Variants in CLRN1 observed in about 807,000 individuals in gnomAD.
The protein encoded by CLRN1 is clarin-1.
Under a neutral mutation model 18.7 loss-of-function variants are expected in CLRN1, and 15 were observed. The ratio of observed to expected loss-of-function variants is 0.80; its 90% confidence interval spans 0.54 to 1.23. CLRN1 has a LOEUF of 1.23. CLRN1 is among the 50% of genes most tolerant of loss of function. The probability of loss-of-function intolerance (pLI) is 0.00; values close to 1 mark genes in which losing one functional copy is unlikely to be tolerated. For missense variants in CLRN1, 311 were observed against 277.5 expected, an observed-to-expected ratio of 1.12 and a Z score of -0.86; for synonymous variants, 104 against 102.9, an observed-to-expected ratio of 1.01 and a Z score of -0.07.
chr3:150,944,535 A>T (rs973620972), intron 1 of CLRN1, among the ~76,000 whole-genome samples: 1 of 145,448 alleles, frequency 6.9e-6, no homozygotes, highest in African/African-American at 2.5e-5. Flanking sequence ...TACATTTTGG[A>T]GATGGAAGAT....
chr3:150,967,279 A>G (rs1206653839), intron 1 of CLRN1, among the ~76,000 whole-genome samples: 3 of 152,336 alleles, frequency 2.0e-5, no homozygotes, highest in East Asian at 3.9e-4. Context: ...TAGAGCAAAC[A>G]TCAAGGTCTG....
intron 2 of CLRN1, among the ~76,000 whole-genome samples, chr3:150,934,699 AG>A (rs1018951595): frequency 1.3e-5 from 2 of 152,160 alleles, no homozygotes; most frequent in African/African-American, 4.8e-5. Flanking sequence ...AATATATAAA[AG>A]GCCCCCACTC....
chr3:150,946,704 CTT>C (rs34471891), intron 1 of CLRN1, among the ~76,000 whole-genome samples: 98 of 110,728 alleles, frequency 8.9e-4, no homozygotes, highest in East Asian at 5.7e-3. Context: ...CAGACCATTT[CTT>C]TTTTTTTTTT....
Position 150,972,231 on chromosome 3 carries a change from T to C in CLRN1, c.253+225A>G, listed in dbSNP as rs12497559. ...TTAATTGCCAATATTTCCAAAAACC[T>C]TAATTATGTAACAATGAATTAACTC... On this transcript the variant is annotated intron_variant, in intron 1 of 2. Coordinates refer to ENST00000327047, the MANE Select transcript of CLRN1 (RefSeq NM_174878.3). Among the ~76,000 whole-genome samples the C allele has an allele frequency of 0.11, 15,979 of 152,180 alleles. 1,119 individuals carry two copies. The highest frequency in any genetic ancestry group is 0.24 in the East Asian group (1,263 of 5,180).
chr3:150,933,832 C>T (rs941550029), intron 2 of CLRN1, among the ~76,000 whole-genome samples: 10 of 152,204 alleles, frequency 6.6e-5, no homozygotes, highest in African/African-American at 1.9e-4. Context: ...CACAACACTG[C>T]CCCTTTAGCC....
At position 150,962,732 on chromosome 3, in the gene CLRN1, T is replaced by A. The variant is rs185425990; in HGVS notation, c.253+9724A>T. Among the ~76,000 whole-genome samples, 31 of 152,358 alleles carry A rather than the reference T, an allele frequency of 2.0e-4. No homozygotes were observed. The East Asian group carries it at 5.8e-3, about 28-fold the overall frequency. On this transcript the variant is annotated intron_variant, in intron 1 of 2. Coordinates refer to ENST00000327047, the MANE Select transcript of CLRN1 (RefSeq NM_174878.3). ...TGATCTTAAATTAGCTAACCACACA[T>A]GTGATCAGATATCTCTGCCTTACAC...
At chr3:150,960,625 T>C (rs1295780927) in intron 1 of CLRN1, among the ~76,000 whole-genome samples, 2 of 152,226 alleles carry the variant, frequency 1.3e-5, no homozygotes, top group South Asian at 2.1e-4. Context: ...CTTACTTCTA[T>C]TTCCCTTGTG....
intron 2 of CLRN1, among the ~76,000 whole-genome samples, chr3:150,933,990 A>G (rs906717455): frequency 2.6e-5 from 4 of 152,158 alleles, no homozygotes; most frequent in African/African-American, 9.7e-5. Flanking sequence ...TCCTGCCACA[A>G]ATCCTTTATT....
intron 1 of CLRN1, among the ~76,000 whole-genome samples, chr3:150,963,764 A>G (rs541043019): frequency 5.9e-5 from 9 of 152,202 alleles, no homozygotes; most frequent in Non-Finnish European, 1.3e-4. Flanking sequence ...AATGCCACAC[A>G]TCTACAACCA....
intron 1 of CLRN1, among the ~76,000 whole-genome samples, chr3:150,965,763 T>C (rs886317975): frequency 1.3e-5 from 2 of 152,080 alleles, no homozygotes; most frequent in African/African-American, 2.4e-5. Flanking sequence ...TATTAGGGTG[T>C]GGGATGATTT....
chr3:150,933,138 A>C (rs1713250471), intron 2 of CLRN1, among the ~76,000 whole-genome samples: 1 of 152,206 alleles, frequency 6.6e-6, no homozygotes, highest in South Asian at 2.1e-4. Flanking sequence ...GAAAATATGC[A>C]GCTACTTCTG....
At chr3:150,947,815 T>C (rs1335587389) in intron 1 of CLRN1, among the ~76,000 whole-genome samples, 1 of 152,062 alleles carries the variant, frequency 6.6e-6, no homozygotes, top group Non-Finnish European at 1.5e-5. Flanking sequence ...GATAAATAAT[T>C]AAATTAAGAC....
chr3:150,952,316 G>A (rs1714529977), intron 1 of CLRN1, among the ~76,000 whole-genome samples: 1 of 152,162 alleles, frequency 6.6e-6, no homozygotes, highest in African/African-American at 2.4e-5. Context: ...GAGGCACTAA[G>A]CGCAGCTCCC....
In CLRN1 at chr3:150,927,547, T is replaced by C. The variant is rs1712871938; in HGVS notation, c.*389A>G. 1 of 457,810 alleles carries C rather than the reference T, an allele frequency of 2.2e-6. No homozygotes were observed. The highest frequency in any genetic ancestry group is 1.6e-5 in the South Asian group (1 of 64,166). 28.4% of individuals were successfully genotyped at this position (457,810 alleles called of 1,614,324 possible). A position where few individuals can be genotyped will look rare whatever the true frequency, so the allele number is the denominator to read the frequency against. ...CAGTTTTCTGAAATCTGGCAACAAA[T>C]GTGTGGATATATTAGAGATATTATT... On this transcript the variant is annotated 3_prime_UTR_variant, in exon 3 of 3. Transcript: ENST00000327047.
intron 2 of CLRN1, among the ~76,000 whole-genome samples, chr3:150,935,862 T>C (rs1383222718): frequency 7.2e-6 from 1 of 138,022 alleles, no homozygotes; most frequent in Admixed American, 7.4e-5. Flanking sequence ...TGGTATCTCA[T>C]TGTGGTTTTG....
In CLRN1 at chr3:150,926,752, G is replaced by A; in HGVS notation, c.*1184C>T. 1 of 1,601,710 alleles carries A rather than the reference G, an allele frequency of 6.2e-7. No individual in the cohort carries two copies. The highest frequency in any genetic ancestry group is 8.5e-7 in the Non-Finnish European group (1 of 1,169,652). On this transcript the variant is annotated 3_prime_UTR_variant, in exon 3 of 3. Coordinates refer to ENST00000327047, the MANE Select transcript of CLRN1 (RefSeq NM_174878.3). ...GGCTGCTGAGTACTCAGCACCTGTG[G>A]TCAGAGGCCTAGTGATCTGTTTGCT...
rs752521641 is a variant in CLRN1 at position 150,926,820 on chromosome 3, G to A, written c.*1116C>T. The A allele has an allele frequency of 1.9e-6, 3 of 1,614,084 alleles. No individual in the cohort carries two copies. Among genetic ancestry groups the A allele is most frequent in the Non-Finnish European group, 2.5e-6 (3 of 1,180,004 alleles). ...CCTTGGTGCTTTCTGGAGGACAGCA[G>A]GTTGAGGATGAAGGAAGGGTCAGTT... On this transcript the variant is annotated 3_prime_UTR_variant, in exon 3 of 3. Transcript: ENST00000327047.
chr3:150,959,770 A>T (rs1485383795), intron 1 of CLRN1, among the ~76,000 whole-genome samples: 1 of 152,090 alleles, frequency 6.6e-6, no homozygotes, highest in Non-Finnish European at 1.5e-5. Flanking sequence ...CTTTCATTTC[A>T]GTTGTCTTAC....
intron 1 of CLRN1, among the ~76,000 whole-genome samples, chr3:150,942,798 G>A (rs369890855): frequency 6.6e-6 from 1 of 152,094 alleles, no homozygotes; most frequent in African/African-American, 2.4e-5. Context: ...TTTGAACTTG[G>A]ATTGGCCTTC....
Sources: gnomAD v4.1 joint callset for allele counts (sites outside exome capture counted in the v4.1 genomes callset) on GRCh38, gnomAD v4.1.1 for gene constraint, MANE v1.5 for transcripts, NCBI Gene and HGNC (gene_info 2026-07-23, HGNC 2026-07-21) for gene names.